The following NBEA variants were observed in gnomAD, a reference collection of about 807,000 sequenced individuals.
NBEA encodes the protein neurobeachin, also known as lysosomal-trafficking regulator 2.
A neutral mutation model predicts 343.4 loss-of-function variants in NBEA; 44 were observed. The observed-to-expected ratio is 0.13, with a 90% CI of 0.10 to 0.16. The LOEUF is 0.16. Among genes scored for constraint, NBEA ranks in the 10% least tolerant of loss-of-function variants. The probability of loss-of-function intolerance (pLI) is 1.00; values close to 1 mark genes in which losing one functional copy is unlikely to be tolerated. For missense variants in NBEA, 2,555 were observed against 3,631.3 expected, an observed-to-expected ratio of 0.70 and a Z score of 7.62; for synonymous variants, 1,175 against 1,238.7, an observed-to-expected ratio of 0.95 and a Z score of 1.08.
chr13:35,429,102 G>T (rs534668613), intron 38 of NBEA, among the ~76,000 whole-genome samples: 3 of 152,284 alleles, frequency 2.0e-5, no homozygotes, highest in South Asian at 2.1e-4. Context: ...CCAGTGGGGA[G>T]GGGGAGGGAT....
At chr13:35,221,539 A>C (rs781733403) in intron 33 of NBEA, among the ~76,000 whole-genome samples, 1 of 151,942 alleles carries the variant, frequency 6.6e-6, no homozygotes, top group South Asian at 2.1e-4. Flanking sequence ...TTTTCTTGTT[A>C]TTATTATGTG....
intron 56 of NBEA, 87 bp from the exon 57 acceptor site, chr13:35,667,287 C>A: frequency 9.0e-7 from 1 of 1,114,962 alleles, no homozygotes; most frequent in Non-Finnish European, 1.3e-6. Context: ...TCTGAGCGCA[C>A]ACCCAGCAAG....
At chr13:35,557,481 C>T (rs1658215940) in intron 44 of NBEA, among the ~76,000 whole-genome samples, 1 of 152,078 alleles carries the variant, frequency 6.6e-6, no homozygotes, top group South Asian at 2.1e-4. Flanking sequence ...GGTTTCTGAG[C>T]CAGAGCATGC....
At chr13:35,307,926 G>A (rs2037004408) in intron 35 of NBEA, among the ~76,000 whole-genome samples, 1 of 151,948 alleles carries the variant, frequency 6.6e-6, no homozygotes, top group African/African-American at 2.4e-5. Flanking sequence ...TCTGTACAAT[G>A]GAATAGCAGT....
chr13:35,648,633 T>C (rs1396252394), intron 51 of NBEA, among the ~76,000 whole-genome samples: 1 of 152,166 alleles, frequency 6.6e-6, no homozygotes, highest in Non-Finnish European at 1.5e-5. Context: ...AGAGAATTCA[T>C]ATATACTGCA....
In NBEA at chr13:35,672,590, A is replaced by G. The variant is rs2085654073; in HGVS notation, c.*1599A>G. The G allele has an allele frequency of 6.6e-6, 1 of 152,666 alleles. No homozygotes were observed. The highest frequency in any genetic ancestry group is 1.5e-5 in the Non-Finnish European group (1 of 68,042). The allele number at this position is 152,666 out of a possible 1,614,324, so 9.5% of individuals were successfully genotyped here. A position where few individuals can be genotyped will look rare whatever the true frequency, so the allele number is the denominator to read the frequency against. On this transcript the variant is annotated 3_prime_UTR_variant, in exon 59 of 59. Transcript: ENST00000379939. The stretch of plus-strand genomic sequence containing the variant: ...TACTTAACATCTGGAAGACAAGTTC[A>G]TTTCATCTTGAGATCATGGTGAAAT...
chr13:35,057,772 G>A (rs1232013995), intron 7 of NBEA, among the ~76,000 whole-genome samples: 6 of 151,952 alleles, frequency 3.9e-5, no homozygotes, highest in Non-Finnish European at 7.4e-5. Flanking sequence ...TAGTTTTTTG[G>A]TTATTTGTAA....
At chr13:35,132,435 C>T (rs1479680449) in intron 17 of NBEA, among the ~76,000 whole-genome samples, 1 of 152,176 alleles carries the variant, frequency 6.6e-6, no homozygotes, top group African/African-American at 2.4e-5. Context: ...GCTGGGATTA[C>T]AGGCGTGAGC....
chr13:35,131,853 AT>A (rs1426608196), intron 17 of NBEA, among the ~76,000 whole-genome samples: 1 of 152,248 alleles, frequency 6.6e-6, no homozygotes, highest in Non-Finnish European at 1.5e-5. Context: ...ACAGAATTAA[AT>A]TTGAATGAAA....
At chr13:35,043,840 CAGTACTA>C (rs1459518541) in intron 2 of NBEA, among the ~76,000 whole-genome samples, 1 of 151,802 alleles carries the variant, frequency 6.6e-6, no homozygotes, top group Non-Finnish European at 1.5e-5. Context: ...CATTATATAT[CAGTACTA>C]AGTATTTCAG....
At chr13:35,025,877 A>C (rs977072130) in intron 1 of NBEA, among the ~76,000 whole-genome samples, 1 of 152,280 alleles carries the variant, frequency 6.6e-6, no homozygotes, top group East Asian at 1.9e-4. Flanking sequence ...TCTGTTTTAC[A>C]TACTACTGAC....
intron 36 of NBEA, among the ~76,000 whole-genome samples, chr13:35,312,727 C>G (rs538351809): frequency 2.0e-5 from 3 of 152,232 alleles, no homozygotes; most frequent in African/African-American, 7.2e-5. Flanking sequence ...AATTAAGTCA[C>G]TATGATTGCT....
intron 38 of NBEA, among the ~76,000 whole-genome samples, chr13:35,420,152 G>A (rs1003385506): frequency 2.6e-5 from 4 of 151,904 alleles, no homozygotes; most frequent in African/African-American, 9.7e-5. Context: ...AGAAATTTCA[G>A]TACTCTGTTG....
At chr13:35,547,530 A>G (rs998260460) in intron 41 of NBEA, among the ~76,000 whole-genome samples, 1 of 152,186 alleles carries the variant, frequency 6.6e-6, no homozygotes, top group Non-Finnish European at 1.5e-5. Flanking sequence ...TGATACAATT[A>G]TCATATAAAT....
At chr13:35,187,225 C>A (rs2071785392) in intron 30 of NBEA, among the ~76,000 whole-genome samples, 2 of 151,848 alleles carry the variant, frequency 1.3e-5, no homozygotes, top group Admixed American at 1.3e-4. Flanking sequence ...TCACACCCCA[C>A]TCCCTTCTTT....
chr13:34,969,947 C>G (rs2059948308), intron 1 of NBEA, among the ~76,000 whole-genome samples: 1 of 151,992 alleles, frequency 6.6e-6, no homozygotes, highest in Non-Finnish European at 1.5e-5. Flanking sequence ...GCATTTCTGT[C>G]TTTAGGTCTT....
At chr13:34,978,366 C>G (rs2060248370) in intron 1 of NBEA, among the ~76,000 whole-genome samples, 1 of 152,140 alleles carries the variant, frequency 6.6e-6, no homozygotes, top group Admixed American at 6.6e-5. Flanking sequence ...ACTAAAATAA[C>G]TTTATCACAT....
chr13:35,128,171 C>A (rs527975125), intron 17 of NBEA, among the ~76,000 whole-genome samples: 3 of 151,400 alleles, frequency 2.0e-5, no homozygotes, highest in Non-Finnish European at 4.4e-5. Flanking sequence ...ACCAGCATGG[C>A]ACATGTATAC....
intron 41 of NBEA, among the ~76,000 whole-genome samples, chr13:35,480,698 C>A (rs1439779200): frequency 6.6e-6 from 1 of 151,704 alleles, no homozygotes; most frequent in Non-Finnish European, 1.5e-5. Flanking sequence ...TGCACCCAGG[C>A]TATTTCAAGT....
Sources: gnomAD v4.1 joint callset for allele counts (sites outside exome capture counted in the v4.1 genomes callset) on GRCh38, gnomAD v4.1.1 for gene constraint, MANE v1.5 for transcripts, NCBI Gene and HGNC (gene_info 2026-07-23, HGNC 2026-07-21) for gene names.